Variants in RFFL observed in about 807,000 individuals in gnomAD.
The protein encoded by RFFL is ring finger and FYVE like domain containing E3 ubiquitin protein ligase.
A neutral mutation model predicts 40.4 loss-of-function variants in RFFL; 16 were observed. That is an observed-to-expected ratio of 0.40 (90% CI 0.27 to 0.60). RFFL has a LOEUF of 0.60. Among genes scored for constraint, RFFL ranks in the 20% least tolerant of loss-of-function variants. RFFL has a pLI of 0.47. For synonymous variants in RFFL, 154 were observed against 167.9 expected, an observed-to-expected ratio of 0.92 and a Z score of 0.64; for missense variants, 367 against 451.7, an observed-to-expected ratio of 0.81 and a Z score of 1.70.
intron 1 of RFFL, among the ~76,000 whole-genome samples, chr17:35,077,822 C>T (rs2091384510): frequency 1.3e-5 from 2 of 152,294 alleles, no homozygotes; most frequent in South Asian, 4.1e-4. Flanking sequence ...CTTCTTCTTC[C>T]AATGTGGCCC....
rs2090896307 is a variant in RFFL at position 35,006,515 on chromosome 17, T to TA, written c.*5452dup. On this transcript the variant is annotated 3_prime_UTR_variant, in exon 7 of 7. Transcript: ENST00000394597. ...CCTGAGCAACATTATGTAAAGCACT[T>TA]AGCCCAGAGCCTAGCACATAGTTAT... 1.3e-5 allele frequency: 2 copies of TA among 152,254 alleles called. No homozygotes were observed. The highest frequency in any genetic ancestry group is 6.5e-5 in the Admixed American group (1 of 15,276). The allele number at this position is 152,254 out of a possible 1,614,324, so 9.4% of individuals were successfully genotyped here. A position where few individuals can be genotyped will look rare whatever the true frequency, so the allele number is the denominator to read the frequency against.
intron 1 of RFFL, among the ~76,000 whole-genome samples, chr17:35,060,436 G>GTC (rs1362559745): frequency 6.6e-6 from 1 of 152,166 alleles, no homozygotes; most frequent in East Asian, 1.9e-4. Flanking sequence ...TTAATGCAGT[G>GTC]TAAGAACCAT....
rs967085688 is a variant in RFFL, at chr17:35,033,586, G to C, written c.-8-7025C>G. 2.6e-5 allele frequency among the ~76,000 whole-genome samples: 4 copies of C among 151,940 alleles called. 1 individual carries two copies. The highest frequency in any genetic ancestry group is 9.7e-5 in the African/African-American group (4 of 41,264). The stretch of plus-strand genomic sequence containing the variant: ...AAGAAGTGATCATGTGATCAGATTA[G>C]GGGGTAGGTCTATTCCCGGGCAGGA... On this transcript the variant is annotated intron_variant, in intron 1 of 6. Coordinates refer to ENST00000394597, the MANE Select transcript of RFFL (RefSeq NM_001017368.2).
intron 2 of RFFL, among the ~76,000 whole-genome samples, chr17:35,025,785 C>T (rs1218946195): frequency 6.6e-6 from 1 of 152,158 alleles, no homozygotes; most frequent in Non-Finnish European, 1.5e-5. Context: ...ATTATCTAGC[C>T]AGTAATTTTT....
intron 1 of RFFL, among the ~76,000 whole-genome samples, chr17:35,070,595 T>C (rs1038749176): frequency 6.6e-6 from 1 of 152,186 alleles, no homozygotes; most frequent in Non-Finnish European, 1.5e-5. Context: ...GGCAAAAGTA[T>C]AAAAAATTAA....
chr17:35,015,858 A>C (rs1458478189), intron 5 of RFFL, among the ~76,000 whole-genome samples: 1 of 152,230 alleles, frequency 6.6e-6, no homozygotes, highest in Non-Finnish European at 1.5e-5. Context: ...ACAGACCCAG[A>C]TATTTTCCTG....
At chr17:35,055,639 C>G in intron 1 of RFFL, among the ~76,000 whole-genome samples, 1 of 150,500 alleles carries the variant, frequency 6.6e-6, no homozygotes, top group African/African-American at 2.5e-5. Context: ...CCATTGCACT[C>G]CAGCCTGGGC....
intron 1 of RFFL, among the ~76,000 whole-genome samples, chr17:35,048,236 A>G (rs2091211779): frequency 6.6e-6 from 1 of 151,712 alleles, no homozygotes; most frequent in South Asian, 2.1e-4. Flanking sequence ...CCCCGTCTCT[A>G]CTAAAAATAC....
chr17:35,017,740 C>G (rs1423002245), intron 3 of RFFL, 134 bp from the exon 4 acceptor site: 1 of 645,552 alleles, frequency 1.5e-6, no homozygotes, highest in Non-Finnish European at 2.8e-6. Context: ...CTTACAGCAT[C>G]ATTACAAAAG....
intron 1 of RFFL, among the ~76,000 whole-genome samples, chr17:35,026,830 C>A (rs2091044373): frequency 6.6e-6 from 1 of 152,128 alleles, no homozygotes; most frequent in Non-Finnish European, 1.5e-5. Flanking sequence ...CTCAGCCTCC[C>A]AAGTAGCTGG....
At chr17:35,047,880 TA>T (rs1415797381) in intron 1 of RFFL, among the ~76,000 whole-genome samples, 1 of 151,784 alleles carries the variant, frequency 6.6e-6, no homozygotes, top group Non-Finnish European at 1.5e-5. Context: ...GCCTCCCAAG[TA>T]GCTGGGATTA....
chr17:35,066,982 C>G (rs369584508), upstream of RFFL, among the ~76,000 whole-genome samples: 4 of 151,590 alleles, frequency 2.6e-5, no homozygotes, highest in South Asian at 8.3e-4. Context: ...ATGAAGTAAA[C>G]TTTATGATAC....
At position 35,011,917 on chromosome 17, in the gene RFFL, G is replaced by A; in HGVS notation, c.*51C>T. 6.3e-7 allele frequency: 1 copy of A among 1,576,990 alleles called. No individual in the cohort carries two copies. Among genetic ancestry groups the A allele is most frequent in the Non-Finnish European group, 8.7e-7 (1 of 1,154,330 alleles). On this transcript the variant is annotated 3_prime_UTR_variant, in exon 7 of 7. Transcript: ENST00000394597. ...TGCAAGCTGGCCAACCCTGAGCCCA[G>A]ACACCCCAGGCTATTTCCCTGTAAG...
At chr17:35,082,573 C>T (rs1285339363) in intron 1 of RFFL, among the ~76,000 whole-genome samples, 2 of 152,182 alleles carry the variant, frequency 1.3e-5, no homozygotes, top group Admixed American at 1.3e-4. Context: ...TTAGTCCTCA[C>T]TCTTTCATAC....
chr17:35,076,684 A>G (rs2142382638), intron 1 of RFFL: 2 of 101,170 alleles, frequency 2.0e-5, no homozygotes, highest in African/African-American at 7.9e-5. Context: ...GTCTCAAATA[A>G]TAATAATAAT....
At chr17:35,052,496 G>A (rs916176915) in intron 1 of RFFL, among the ~76,000 whole-genome samples, 1 of 151,798 alleles carries the variant, frequency 6.6e-6, no homozygotes, top group Non-Finnish European at 1.5e-5. Flanking sequence ...CAAAATCTGG[G>A]TAAAAAAAAG....
At chr17:35,039,328 T>G (rs1237122172) in intron 1 of RFFL, among the ~76,000 whole-genome samples, 1 of 152,150 alleles carries the variant, frequency 6.6e-6, no homozygotes, top group Non-Finnish European at 1.5e-5. Flanking sequence ...CAAGCGATTC[T>G]CACGCCTCAG....
At chr17:35,038,605 A>G (rs2091141791) in intron 1 of RFFL, among the ~76,000 whole-genome samples, 1 of 152,250 alleles carries the variant, frequency 6.6e-6, no homozygotes, top group Non-Finnish European at 1.5e-5. Context: ...AACAACTGAT[A>G]CATGCAATAG....
Position 35,086,012 on chromosome 17 carries a change from A to T in RFFL, c.-9+3093T>A, listed in dbSNP as rs145504456. 3.3e-4 allele frequency among the ~76,000 whole-genome samples: 51 copies of T among 152,360 alleles called. No individual in the cohort carries two copies. In the East Asian group the frequency reaches 7.9e-3, roughly 24 times the overall value. On this transcript the variant is annotated intron_variant, in intron 1 of 6. Coordinates refer to the RFFL transcript ENST00000315249. ...ACAGGGAGGGCAGAGGTCTTTAAAT[A>T]CATGAGGCCAATTCCTACCTATCTG...
Sources: gnomAD v4.1 joint callset for allele counts (sites outside exome capture counted in the v4.1 genomes callset) on GRCh38, gnomAD v4.1.1 for gene constraint, MANE v1.5 for transcripts, NCBI Gene and HGNC (gene_info 2026-07-23, HGNC 2026-07-21) for gene names.